PCIF1: variants seen among roughly 807,000 people sequenced by gnomAD.
PCIF1 encodes mRNA (2'-O-methyladenosine-N(6)-)-methyltransferase.
In PCIF1, 12 loss-of-function variants were observed where a neutral mutation model predicts 86.9. The observed-to-expected ratio is 0.14, with a 90% CI of 0.09 to 0.22. PCIF1 has a LOEUF of 0.22. PCIF1 is among the 10% of genes least tolerant of loss of function. The pLI, the probability that PCIF1 is intolerant of heterozygous loss-of-function variation, is 1.00. For synonymous variants in PCIF1, 397 were observed against 372.0 expected, an observed-to-expected ratio of 1.07 and a Z score of -0.77; for missense variants, 701 against 951.1, an observed-to-expected ratio of 0.74 and a Z score of 3.46.
At chr20:45,940,646 C>T (rs770795205) in intron 5 of PCIF1, 34 bp downstream of exon 5, 15 of 1,585,222 alleles carry the variant, frequency 9.5e-6, no homozygotes, top group Middle Eastern at 1.7e-4. Context: ...GGCTGCCGAG[C>T]GGCCGGCTCA....
At position 45,945,709 on chromosome 20, in the gene PCIF1, AGAG is replaced by A. The variant is rs1383618115; in HGVS notation, c.1172_1174del (p.Glu391del). ...GTCCCTCACTGCTCTCCCTGCCCAC[AGAG>A]GAGGTGGAGGCCCCTGAGGTGGAGC... is the stretch of plus-strand genomic sequence containing the variant. On this transcript the variant is annotated splice_acceptor_variant and coding_sequence_variant, in exon 12 of 17. Transcript: ENST00000372409. LOFTEE classifies it high-confidence loss of function. The A allele has an allele frequency of 3.1e-6, 5 of 1,611,634 alleles. No homozygotes were observed. Among genetic ancestry groups the A allele is most frequent in the Admixed American group, 1.7e-5 (1 of 59,976 alleles).
intron 2 of PCIF1, among the ~76,000 whole-genome samples, chr20:45,938,464 T>G (rs1202890624): frequency 6.6e-6 from 1 of 152,222 alleles, no homozygotes; most frequent in Non-Finnish European, 1.5e-5. Flanking sequence ...CTGTTCTGTC[T>G]TTTTTGCTGC....
In PCIF1 at chr20:45,947,246, T is replaced by C. The variant is rs1434851405; in HGVS notation, c.1708-17T>C. The stretch of plus-strand genomic sequence containing the variant: ...GGGAGGTAGTCCCTGACATCCACCC[T>C]GTGTCCCCTTCCACAGAGACTGCTT... On this transcript the variant is annotated splice_polypyrimidine_tract_variant and intron_variant, in intron 15 of 16. Coordinates refer to ENST00000372409, the MANE Select transcript of PCIF1 (RefSeq NM_022104.4). The surrounding 1 kb of genome is among the most constrained non-coding windows in gnomAD (Gnocchi z 5.4). The C allele has an allele frequency of 1.2e-6, 2 of 1,605,676 alleles. No individual in the cohort carries two copies. Among genetic ancestry groups the C allele is most frequent in the Non-Finnish European group, 1.7e-6 (2 of 1,173,774 alleles).
intron 1 of PCIF1, among the ~76,000 whole-genome samples, chr20:45,936,259 C>G (rs1054254380): frequency 6.6e-5 from 10 of 152,008 alleles, no homozygotes; most frequent in African/African-American, 2.4e-4. Flanking sequence ...ACTGCAACCT[C>G]CGCCCCCTGG....
At chr20:45,940,439 G>A in intron 4 of PCIF1, 36 bp from the exon 5 acceptor site, 2 of 1,560,864 alleles carry the variant, frequency 1.3e-6, no homozygotes, top group Non-Finnish European at 1.7e-6. Context: ...TAAGCCGCTG[G>A]CCCTGGTTGC....
rs749755293 is a variant in PCIF1 at position 45,947,483 on chromosome 20, C to T, written c.1884-41C>T. ...GGGGAAGGAGGCTGGGCTGGCCAGG[C>T]CAGGCCCAGCCCCACCCTGAGCCAT... On this transcript the variant is annotated intron_variant, in intron 16 of 16. Coordinates refer to ENST00000372409, the MANE Select transcript of PCIF1 (RefSeq NM_022104.4). The surrounding 1 kb of genome is among the most constrained non-coding windows in gnomAD (Gnocchi z 5.4). 6.2e-7 allele frequency: 1 copy of T among 1,613,142 alleles called. No homozygotes were observed. Among genetic ancestry groups the T allele is most frequent in the Non-Finnish European group, 8.5e-7 (1 of 1,179,848 alleles).
At position 45,943,617 on chromosome 20, in the gene PCIF1, AG is replaced by A. The variant is rs2145334039; in HGVS notation, c.906-46del. 6.6e-7 allele frequency: 1 copy of A among 1,510,022 alleles called. No homozygotes were observed. The highest frequency in any genetic ancestry group is 9.0e-7 in the Non-Finnish European group (1 of 1,109,918). 93.5% of individuals were successfully genotyped at this position (1,510,022 alleles called of 1,614,324 possible). On this transcript the variant is annotated intron_variant, in intron 9 of 16. Transcript: ENST00000372409. This position sits in a 1 kb window ranked among gnomAD's most constrained non-coding sequence, Gnocchi z 5.5. ...GCGAGCCCATGGAATTGGGATGAGG[AG>A]GGTGGAGCCAAGCCATTCCTTTCTT...
At chr20:45,936,850 C>T (rs140027379) in intron 1 of PCIF1, among the ~76,000 whole-genome samples, 296 of 152,288 alleles carry the variant, frequency 1.9e-3, no homozygotes, top group African/African-American at 6.6e-3. Flanking sequence ...ATCGCTTGAA[C>T]CCAGGAGTTG....
At chr20:45,938,937 G>T in intron 2 of PCIF1, 44 bp from the exon 3 acceptor site, 1 of 1,601,930 alleles carries the variant, frequency 6.2e-7, no homozygotes, top group South Asian at 1.1e-5. Context: ...GTAATTGGCG[G>T]GTGAGGGGGT....
At position 45,947,810 on chromosome 20, in the gene PCIF1, C is replaced by T. The variant is rs961200092; in HGVS notation, c.*55C>T. 100 of 1,558,534 alleles carry T rather than the reference C, an allele frequency of 6.4e-5. No individual in the cohort carries two copies. In the African/African-American group the frequency reaches 1.1e-3, roughly 18 times the overall value. ...GGTGCTAGTCTGGACTGCTGGGACT[C>T]GGGCCCCTGGGGCCTCAGAGGGACC... is the stretch of plus-strand genomic sequence containing the variant. On this transcript the variant is annotated 3_prime_UTR_variant, in exon 17 of 17. Coordinates refer to ENST00000372409, the MANE Select transcript of PCIF1 (RefSeq NM_022104.4). The surrounding 1 kb of genome is among the most constrained non-coding windows in gnomAD (Gnocchi z 5.4).
At chr20:45,945,997 T>C in intron 12 of PCIF1, 32 bp from the exon 13 acceptor site, 4 of 1,613,454 alleles carry the variant, frequency 2.5e-6, no homozygotes, top group Non-Finnish European at 3.4e-6. Context: ...GGAGCACTGC[T>C]GAAGGCTCCT....
intron 2 of PCIF1, 30 bp from the exon 3 acceptor site, chr20:45,938,951 G>C (rs1600501567): frequency 6.2e-7 from 1 of 1,609,042 alleles, no homozygotes; most frequent in Non-Finnish European, 8.5e-7. Context: ...AGGGGGTGGA[G>C]CTGACACTCT....
At chr20:45,937,365 C>G in intron 1 of PCIF1, 53 bp from the exon 2 acceptor site, 1 of 399,192 alleles carries the variant, frequency 2.5e-6, no homozygotes, top group Non-Finnish European at 4.4e-6. Flanking sequence ...CCCTCTTGTC[C>G]CTGCCCTGCA....
At chr20:45,934,894 TC>T (rs1020823220) in intron 1 of PCIF1, 90 bp downstream of exon 1, 5 of 397,328 alleles carry the variant, frequency 1.3e-5, no homozygotes, top group African/African-American at 8.2e-5. Flanking sequence ...TCCGGCGCTT[TC>T]TGCTCGGGAC....
intron 1 of PCIF1, among the ~76,000 whole-genome samples, chr20:45,936,888 A>G (rs1032783818): frequency 4.6e-5 from 7 of 152,184 alleles, no homozygotes; most frequent in East Asian, 1.9e-4. Flanking sequence ...AGATCGTGCA[A>G]TGCACTCCAG....
At chr20:45,945,921 T>A in intron 12 of PCIF1, 38 bp downstream of exon 12, 1 of 1,613,320 alleles carries the variant, frequency 6.2e-7, no homozygotes, top group South Asian at 1.1e-5. Context: ...GCTGATGGCA[T>A]GAGTCAGGGC....
intron 4 of PCIF1, among the ~76,000 whole-genome samples, chr20:45,939,751 G>A (rs6104402): frequency 5.3e-5 from 8 of 152,226 alleles, no homozygotes; most frequent in Admixed American, 4.6e-4. Flanking sequence ...GAGTGTTTAA[G>A]GTGAGAGAGT....
At chr20:45,936,738 C>G (rs1281151307) in intron 1 of PCIF1, among the ~76,000 whole-genome samples, 1 of 151,970 alleles carries the variant, frequency 6.6e-6, no homozygotes, top group African/African-American at 2.4e-5. Flanking sequence ...CGAGACCAGC[C>G]TGGCCAACAT....
At chr20:45,940,217 C>G (rs1176064631) in intron 4 of PCIF1, among the ~76,000 whole-genome samples, 2 of 152,182 alleles carry the variant, frequency 1.3e-5, no homozygotes, top group Admixed American at 1.3e-4. Context: ...TTCACTGACT[C>G]ATTTAATAAT....
Sources: allele counts gnomAD v4.1 joint callset (sites outside exome capture counted in the v4.1 genomes callset), GRCh38; gene constraint gnomAD v4.1.1; non-coding constraint Gnocchi (gnomAD v3.1); transcripts MANE v1.5; gene names NCBI Gene and HGNC (gene_info 2026-07-23, HGNC 2026-07-21).